Variants in GRAMD4 observed in about 807,000 individuals in gnomAD.
GRAMD4 encodes the protein GRAM domain-containing protein 4.
A neutral mutation model predicts 83.9 loss-of-function variants in GRAMD4; 25 were observed. The ratio of observed to expected loss-of-function variants is 0.30; its 90% CI spans 0.22 to 0.42. The LOEUF (loss-of-function observed/expected upper bound fraction) is 0.42, where lower values mean the gene tolerates loss of function less well. Ranked by LOEUF, GRAMD4 falls within the 10% of genes least tolerant of loss-of-function variation. The pLI is 1.00. For synonymous variants in GRAMD4, 336 were observed against 320.9 expected (o/e 1.05, Z -0.50); for missense variants, 593 against 788.7 (o/e 0.75, Z 2.97).
At position 46,668,083 on chromosome 22, in the gene GRAMD4, C is replaced by G; in HGVS notation, c.859-13C>G. 6.3e-7 allele frequency: 1 copy of G among 1,582,020 alleles called. No individual in the cohort carries two copies. Among genetic ancestry groups the G allele is most frequent in the Non-Finnish European group, 8.7e-7 (1 of 1,152,234 alleles). On this transcript the variant is annotated splice_polypyrimidine_tract_variant and intron_variant, in intron 10 of 18. Transcript: ENST00000406902. ...AATTTCAGTGGAAAATTCTCTTTCCCCTTTTACTGAAGGAACCTCCAAAGG... is the reference window on the plus strand; with the variant it reads ...AATTTCAGTGGAAAATTCTCTTTCCGCTTTTACTGAAGGAACCTCCAAAGG...
At chr22:46,614,055 C>T (rs2081444719) in intron 1 of GRAMD4, among the ~76,000 whole-genome samples, 1 of 152,190 alleles carries the variant, frequency 6.6e-6, no homozygotes, top group Non-Finnish European at 1.5e-5. Context: ...TTCAGGAATT[C>T]TGTGAGTTGG....
At position 46,664,745 on chromosome 22, in the gene GRAMD4, A is replaced by G. The variant is rs375555331; in HGVS notation, c.717+628A>G. Among the ~76,000 whole-genome samples, 9 of 152,326 alleles carry G rather than the reference A, an allele frequency of 5.9e-5. No homozygotes were observed. In the East Asian group the frequency reaches 1.2e-3, roughly 20 times the overall value. ...AGCACGAGGAAGATGCAGGCAGCCC[A>G]CCTGCTTGCTAGGGCCTCCAGGCCA... On this transcript the variant is annotated intron_variant, in intron 8 of 18. Transcript: ENST00000406902.
chr22:46,663,975 A>T, intron 7 of GRAMD4, 51 bp from the exon 8 acceptor site: 1 of 1,573,018 alleles, frequency 6.4e-7, no homozygotes, highest in Non-Finnish European at 8.7e-7. Flanking sequence ...AGACGTGGTT[A>T]AGCGGCCTCC....
chr22:46,681,708 T>C (rs376924334), downstream of GRAMD4, among the ~76,000 whole-genome samples: 11 of 152,372 alleles, frequency 7.2e-5, no homozygotes, highest in East Asian at 5.8e-4. Flanking sequence ...AAATTGTTAA[T>C]GATTTTATTC....
chr22:46,577,807 T>A (rs2081058967), intron 1 of GRAMD4, among the ~76,000 whole-genome samples: 1 of 152,194 alleles, frequency 6.6e-6, no homozygotes, highest in Non-Finnish European at 1.5e-5. Flanking sequence ...CTTCTCTCCC[T>A]TTGTTCGGGA....
At chr22:46,643,824 G>A (rs867237270) in intron 3 of GRAMD4, among the ~76,000 whole-genome samples, 8 of 152,064 alleles carry the variant, frequency 5.3e-5, no homozygotes, top group Non-Finnish European at 7.4e-5. Flanking sequence ...GGTACATGAT[G>A]CCATTTTGTC....
In GRAMD4 at chr22:46,675,458, C is replaced by A; in HGVS notation, c.1479-10C>A. On this transcript the variant is annotated splice_polypyrimidine_tract_variant and intron_variant, in intron 16 of 18. Coordinates refer to ENST00000406902, the MANE Select transcript of GRAMD4 (RefSeq NM_015124.5). Reference sequence around the variant, plus strand: ...GAGCCAGGCGACGCCTCTGTCCGTTCCCCTTCCAGTTACTTGTGCTTCGAA... The same window carrying A: ...GAGCCAGGCGACGCCTCTGTCCGTTACCCTTCCAGTTACTTGTGCTTCGAA... The A allele has an allele frequency of 6.2e-7, 1 of 1,603,172 alleles. No homozygotes were observed. Among genetic ancestry groups the A allele is most frequent in the Non-Finnish European group, 8.5e-7 (1 of 1,170,494 alleles).
rs1052867847 is a variant in GRAMD4, at chr22:46,599,007, C to T, written c.-50+21717C>T. 2.0e-5 allele frequency among the ~76,000 whole-genome samples: 3 copies of T among 152,086 alleles called. No individual in the cohort carries two copies. The South Asian group carries it at 6.2e-4, about 32-fold the overall frequency. ...GCCTCCGGTGCCCACCAGCTCAGTG[C>T]CCTGCAGCACCCCCGGAGGAGGATG... On this transcript the variant is annotated intron_variant, in intron 1 of 1. Coordinates refer to the GRAMD4 transcript ENST00000431155.
intron 13 of GRAMD4, chr22:46,671,054 G>T: frequency 2.2e-6 from 1 of 463,888 alleles, no homozygotes. Context: ...TTGCAGTGCT[G>T]ACAAGGGACC....
Position 46,622,868 on chromosome 22 carries a change from C to T in GRAMD4, c.-50+2303C>T, listed in dbSNP as rs569677239. 2.4e-3 allele frequency among the ~76,000 whole-genome samples: 352 copies of T among 148,396 alleles called. 1 individual carries two copies. Among genetic ancestry groups the T allele is most frequent in the African/African-American group, 4.8e-3 (192 of 40,106 alleles). On this transcript the variant is annotated intron_variant, in intron 1 of 18. Coordinates refer to ENST00000406902, the MANE Select transcript of GRAMD4 (RefSeq NM_015124.5). This position sits in a 1 kb window ranked among gnomAD's most constrained non-coding sequence, Gnocchi z 4.0. ...CGGATCTTGCAGTGAGCCGAGATCA[C>T]GCCACTGCACTCCAGCCTGGGCGAC...
chr22:46,634,668 C>T (rs777862960), intron 2 of GRAMD4, among the ~76,000 whole-genome samples: 1 of 152,166 alleles, frequency 6.6e-6, no homozygotes, highest in Non-Finnish European at 1.5e-5. Context: ...AGGCTGGGCA[C>T]GGTGACTCAT....
intron 3 of GRAMD4, among the ~76,000 whole-genome samples, chr22:46,643,394 T>C (rs77687059): frequency 2.9e-3 from 442 of 152,258 alleles, no homozygotes; most frequent in African/African-American, 0.01. Context: ...CTGAGCTGCT[T>C]GATGGTCAGT....
intron 3 of GRAMD4, among the ~76,000 whole-genome samples, chr22:46,647,453 T>G (rs1306351866): frequency 1.3e-5 from 2 of 152,182 alleles, no homozygotes; most frequent in Admixed American, 1.3e-4. Flanking sequence ...TCCTGGCCTG[T>G]CCTGTCCCTG....
chr22:46,600,706 T>G (rs548652108), intron 1 of GRAMD4, among the ~76,000 whole-genome samples: 1 of 152,218 alleles, frequency 6.6e-6, no homozygotes, highest in Non-Finnish European at 1.5e-5. Flanking sequence ...CACTGGCGAG[T>G]CTTTGTGCAT....
At chr22:46,612,996 G>T (rs1314467643) in intron 1 of GRAMD4, among the ~76,000 whole-genome samples, 1 of 152,230 alleles carries the variant, frequency 6.6e-6, no homozygotes, top group African/African-American at 2.4e-5. Flanking sequence ...TCGGGAGCTC[G>T]TAGTGACTAG....
At chr22:46,604,183 G>A (rs1030011008) in intron 1 of GRAMD4, among the ~76,000 whole-genome samples, 3 of 152,142 alleles carry the variant, frequency 2.0e-5, no homozygotes, top group Admixed American at 6.5e-5. Context: ...TTGCGTTTGC[G>A]TGGCAGGGCT....
chr22:46,591,393 G>A (rs899835046), intron 1 of GRAMD4, among the ~76,000 whole-genome samples: 11 of 151,966 alleles, frequency 7.2e-5, no homozygotes, highest in African/African-American at 2.4e-4. Context: ...GGTGCATGTC[G>A]TAGTCCCAGC....
At position 46,622,929 on chromosome 22, in the gene GRAMD4, A is replaced by AG. The variant is rs2081598436; in HGVS notation, c.-50+2364_-50+2365insG. On this transcript the variant is annotated intron_variant, in intron 1 of 18. Transcript: ENST00000406902. The surrounding 1 kb of genome is among the most constrained non-coding windows in gnomAD (Gnocchi z 4.0). ...TCCATCTCTAAAAAAAAAAAAAAAA[A>AG]AACTGATGAAATTGGTAATATTTAT... 6.6e-6 allele frequency among the ~76,000 whole-genome samples: 1 copy of AG among 151,954 alleles called. No individual in the cohort carries two copies. Among genetic ancestry groups the AG allele is most frequent in the Non-Finnish European group, 1.5e-5 (1 of 67,996 alleles).
At position 46,679,541 on chromosome 22, in the gene GRAMD4, T is replaced by G. The variant is rs1357392349; in HGVS notation, c.*2290T>G. 1.0e-6 allele frequency: 1 copy of G among 985,462 alleles called. No individual in the cohort carries two copies. The highest frequency in any genetic ancestry group is 1.2e-6 in the Non-Finnish European group (1 of 829,852). 61.0% of individuals were successfully genotyped at this position (985,462 alleles called of 1,614,324 possible). ...TGTACATCTGGGCAGATGTTTAATT[T>G]CTGTGACTAATCACTGAACTAGACG... On this transcript the variant is annotated 3_prime_UTR_variant, in exon 19 of 19. Coordinates refer to ENST00000406902, the MANE Select transcript of GRAMD4 (RefSeq NM_015124.5).
Sources: gnomAD v4.1 joint callset for allele counts (sites outside exome capture counted in the v4.1 genomes callset) on GRCh38, gnomAD v4.1.1 for gene constraint, Gnocchi (gnomAD v3.1) non-coding constraint, MANE v1.5 for transcripts, NCBI Gene and HGNC (gene_info 2026-07-23, HGNC 2026-07-21) for gene names.